ACOT11: variants seen among roughly 807,000 people sequenced by gnomAD.
The protein encoded by ACOT11 is acyl-CoA thioesterase 11.
Under a neutral mutation model 77.5 loss-of-function variants are expected in ACOT11, and 69 were observed. The observed-to-expected ratio is 0.89, with a 90% CI of 0.73 to 1.09. The LOEUF is 1.09. Ranked by LOEUF, ACOT11 falls within the 50% of genes least tolerant of loss-of-function variation. ACOT11 has a pLI of 0.00. For synonymous variants in ACOT11, 279 were observed against 313.0 expected (o/e 0.89, Z 1.15); for missense variants, 766 against 813.7 (o/e 0.94, Z 0.71).
downstream of ACOT11, among the ~76,000 whole-genome samples, chr1:54,615,163 GA>G (rs1644159724): frequency 6.6e-6 from 1 of 152,144 alleles, no homozygotes; most frequent in Non-Finnish European, 1.5e-5. Context: ...AGTCTCTGCT[GA>G]AAAGGGCCTG....
chr1:54,612,190 C>T (rs1644126089), downstream of ACOT11, among the ~76,000 whole-genome samples: 1 of 151,566 alleles, frequency 6.6e-6, no homozygotes, highest in East Asian at 1.9e-4. Context: ...CTGTGTAGCC[C>T]CAGGGGTACA....
Position 54,609,394 on chromosome 1 carries a change from A to G in ACOT11, c.*282A>G, listed in dbSNP as rs1357860364. 5.0e-6 allele frequency: 8 copies of G among 1,614,078 alleles called. No homozygotes were observed. Among genetic ancestry groups the G allele is most frequent in the Admixed American group, 1.7e-5 (1 of 60,028 alleles). On this transcript the variant is annotated 3_prime_UTR_variant, in exon 16 of 16. Coordinates refer to ENST00000343744, the MANE Select transcript of ACOT11 (RefSeq NM_147161.4). ...TCCTCACAGAGGCATAGTCGCCCCC[A>G]GCTGGGTTGTGCTCCACTGTGACGG...
intron 1 of ACOT11, among the ~76,000 whole-genome samples, chr1:54,581,550 C>T (rs997564356): frequency 2.0e-5 from 3 of 152,178 alleles, no homozygotes; most frequent in Non-Finnish European, 4.4e-5. Context: ...GGACACAGAG[C>T]CCATGGTGTG....
chr1:54,591,990 C>T (rs12564436), intron 3 of ACOT11, among the ~76,000 whole-genome samples: 15,883 of 152,202 alleles, frequency 0.1, 1,481 homozygotes, highest in African/African-American at 0.24. Context: ...TTGCCCTTAC[C>T]AGGCATTCAA....
intron 16 of ACOT11, among the ~76,000 whole-genome samples, chr1:54,633,654 C>T (rs971258192): frequency 1.8e-4 from 27 of 152,192 alleles, no homozygotes; most frequent in African/African-American, 6.5e-4. Flanking sequence ...ATTGAACCTA[C>T]CCGTAAAAAA....
At chr1:54,563,095 T>C (rs977832844) in intron 1 of ACOT11, among the ~76,000 whole-genome samples, 5 of 151,932 alleles carry the variant, frequency 3.3e-5, no homozygotes, top group African/African-American at 1.2e-4. Flanking sequence ...GCCCGTCCGC[T>C]CCTCCAGCCG....
At chr1:54,612,566 C>G, downstream of ACOT11, 1 of 1,614,078 alleles carries the variant, frequency 6.2e-7, no homozygotes, top group Non-Finnish European at 8.5e-7. Flanking sequence ...AGGTGACCCT[C>G]TGGGGCACTC....
At chr1:54,612,473 T>G, downstream of ACOT11, 1 of 1,604,682 alleles carries the variant, frequency 6.2e-7, no homozygotes, top group Non-Finnish European at 8.5e-7. Context: ...GGGGTGGGTT[T>G]GGTGGTTTTC....
chr1:54,609,268 T>C lies in ACOT11; in HGVS notation c.*156T>C. On this transcript the variant is annotated 3_prime_UTR_variant, in exon 16 of 16. Transcript: ENST00000343744. ...CCGCTGGCCCACCACCCCTGGGTGC[T>C]CAGTTTCTACCAACATGAGCCAGCA... The C allele has an allele frequency of 6.2e-7, 1 of 1,601,680 alleles. No individual in the cohort carries two copies. The highest frequency in any genetic ancestry group is 8.5e-7 in the Non-Finnish European group (1 of 1,171,628).
intron 1 of ACOT11, among the ~76,000 whole-genome samples, chr1:54,557,446 C>T (rs1369289033): frequency 6.7e-6 from 1 of 150,246 alleles, no homozygotes; most frequent in East Asian, 2.0e-4. Context: ...CTTGTGTGCA[C>T]TGAAAAAAAC....
intron 1 of ACOT11, among the ~76,000 whole-genome samples, chr1:54,578,333 A>G (rs1322418095): frequency 6.6e-6 from 1 of 152,134 alleles, no homozygotes; most frequent in Non-Finnish European, 1.5e-5. Context: ...GCTGATGGGA[A>G]CCTTGTGAAA....
rs1644092444 is a variant in ACOT11, at chr1:54,609,734, A to G, written c.*622A>G. 6.2e-7 allele frequency: 1 copy of G among 1,614,172 alleles called. No individual in the cohort carries two copies. The highest frequency in any genetic ancestry group is 1.1e-5 in the South Asian group (1 of 91,086). ...CCAATGCAAGAGGCCAAGGCTGGAG[A>G]GGCGTGCCAGCAAGGCCAGGGATGG... is the stretch of plus-strand genomic sequence containing the variant. On this transcript the variant is annotated 3_prime_UTR_variant, in exon 16 of 16. Coordinates refer to ENST00000343744, the MANE Select transcript of ACOT11 (RefSeq NM_147161.4).
chr1:54,591,527 A>G lies in ACOT11; in HGVS notation c.312-1019A>G, dbSNP rs930131267. 1.3e-4 allele frequency among the ~76,000 whole-genome samples: 20 copies of G among 152,356 alleles called. 1 individual carries two copies. Among genetic ancestry groups the G allele is most frequent in the South Asian group, 1.2e-3 (6 of 4,824 alleles). On this transcript the variant is annotated intron_variant, in intron 3 of 15. Coordinates refer to ENST00000343744, the MANE Select transcript of ACOT11 (RefSeq NM_147161.4). The stretch of plus-strand genomic sequence containing the variant: ...TGTGTCATTTGAGAAAGAAGTTGGC[A>G]TGGCACTCTCCATGTTCATGAGCCA...
At position 54,624,923 on chromosome 1, in the gene ACOT11, G is replaced by A. The variant is rs1298249795; in HGVS notation, c.1630-5811G>A. Among the ~76,000 whole-genome samples the A allele has an allele frequency of 7.2e-5, 11 of 152,006 alleles. No homozygotes were observed. In the East Asian group the frequency reaches 9.7e-4, roughly 13 times the overall value. Reference sequence around the variant, plus strand: ...ATGTGGGGAACGGTGGGCATTGTGAGTGGTGAGTCTGGGGGTGCTGGTTGG... The same window carrying A: ...ATGTGGGGAACGGTGGGCATTGTGAATGGTGAGTCTGGGGGTGCTGGTTGG... On this transcript the variant is annotated intron_variant, in intron 15 of 16. Coordinates refer to the ACOT11 transcript ENST00000371316.
intron 1 of ACOT11, among the ~76,000 whole-genome samples, chr1:54,554,337 A>G (rs372071354): frequency 0.011 from 771 of 70,098 alleles, 4 homozygotes; most frequent in African/African-American, 0.02. Context: ...GTGTGTGTAT[A>G]TATATATATA....
chr1:54,551,737 G>GT, intron 1 of ACOT11, among the ~76,000 whole-genome samples: 1 of 145,248 alleles, frequency 6.9e-6, no homozygotes, highest in Non-Finnish European at 1.5e-5. Context: ...GTTTTGTTTT[G>GT]TTTTTGTTTT....
chr1:54,556,820 T>G (rs1653273072), intron 1 of ACOT11, among the ~76,000 whole-genome samples: 1 of 151,974 alleles, frequency 6.6e-6, no homozygotes, highest in African/African-American at 2.4e-5. Flanking sequence ...TGACCTTGGG[T>G]GATCCGCCCA....
Position 54,608,949 on chromosome 1 carries a change from C to A in ACOT11, c.1630-8C>A. The A allele has an allele frequency of 6.2e-7, 1 of 1,613,734 alleles. No individual in the cohort carries two copies. The highest frequency in any genetic ancestry group is 1.1e-5 in the South Asian group (1 of 91,024). On this transcript the variant is annotated splice_polypyrimidine_tract_variant and splice_region_variant and intron_variant, in intron 15 of 15. Coordinates refer to ENST00000343744, the MANE Select transcript of ACOT11 (RefSeq NM_147161.4). ...TGGTCCCCCTGAGCTTGGCTTCCCA[C>A]CCTGCAGGTATCCTACTACAACCAG...
intron 1 of ACOT11, among the ~76,000 whole-genome samples, chr1:54,552,579 C>T (rs575401510): frequency 6.6e-6 from 1 of 152,100 alleles, no homozygotes; most frequent in African/African-American, 2.4e-5. Context: ...GCAACCTCCA[C>T]CTCTCTGGTT....
Sources: gnomAD v4.1 joint callset for allele counts (sites outside exome capture counted in the v4.1 genomes callset) on GRCh38, gnomAD v4.1.1 for gene constraint, MANE v1.5 for transcripts, NCBI Gene and HGNC (gene_info 2026-07-23, HGNC 2026-07-21) for gene names.